Variants in OXCT1 observed in about 807,000 individuals in gnomAD.
The protein encoded by OXCT1 is succinyl-CoA:3-ketoacid coenzyme A transferase 1, mitochondrial.
Under a neutral mutation model 69.6 loss-of-function variants are expected in OXCT1, and 27 were observed. The observed-to-expected ratio is 0.39, with a 90% CI of 0.29 to 0.54. The LOEUF is 0.54. Among genes scored for constraint, OXCT1 ranks in the 20% least tolerant of loss-of-function variants. The pLI is 0.72. For synonymous variants in OXCT1, 202 were observed against 217.8 expected (o/e 0.93, Z 0.64); for missense variants, 437 against 650.2 (o/e 0.67, Z 3.57).
chr5:41,747,402 C>T (rs1217833532), intron 15 of OXCT1, among the ~76,000 whole-genome samples: 2 of 152,014 alleles, frequency 1.3e-5, no homozygotes, highest in African/African-American at 4.8e-5. Context: ...AGTTTTTCAG[C>T]AAGAAAAGCA....
intron 11 of OXCT1, among the ~76,000 whole-genome samples, chr5:41,796,626 T>A (rs185655701): frequency 7.7e-4 from 118 of 152,356 alleles, no homozygotes; most frequent in Admixed American, 2.0e-3. Flanking sequence ...CATCTTGATA[T>A]AAATATATAT....
intron 2 of OXCT1, 78 bp from the exon 3 acceptor site, chr5:41,861,482 TA>T (rs1749737179): frequency 1.1e-6 from 1 of 888,646 alleles, no homozygotes; most frequent in East Asian, 2.4e-5. Context: ...TTATTCTTTT[TA>T]AAAGGGAAAT....
intron 13 of OXCT1, among the ~76,000 whole-genome samples, chr5:41,780,784 G>A (rs1579722311): frequency 6.6e-6 from 1 of 152,128 alleles, no homozygotes; most frequent in African/African-American, 2.4e-5. Flanking sequence ...GAGACCTGGA[G>A]AGTAAACTAT....
intron 5 of OXCT1, 115 bp downstream of exon 5, chr5:41,849,915 A>G: frequency 2.8e-6 from 3 of 1,058,394 alleles, no homozygotes; most frequent in Non-Finnish European, 4.4e-6. Context: ...TATGAAAATG[A>G]ATGAGTGCTT....
At chr5:41,775,513 G>GTGTT (rs1200516008) in intron 13 of OXCT1, among the ~76,000 whole-genome samples, 9 of 152,184 alleles carry the variant, frequency 5.9e-5, no homozygotes, top group Admixed American at 5.9e-4. Flanking sequence ...GAGCCCTGAT[G>GTGTT]TGTTCAGCAA....
At chr5:41,860,696 A>C (rs1001163628) in intron 3 of OXCT1, among the ~76,000 whole-genome samples, 1 of 152,190 alleles carries the variant, frequency 6.6e-6, no homozygotes, top group African/African-American at 2.4e-5. Flanking sequence ...TTTTGTAAAA[A>C]TAAAAATATG....
chr5:41,866,352 G>C (rs1331406453), intron 1 of OXCT1, among the ~76,000 whole-genome samples: 2 of 152,108 alleles, frequency 1.3e-5, no homozygotes, highest in East Asian at 3.9e-4. Flanking sequence ...AAAGACATAG[G>C]CCTTAGCTTT....
chr5:41,749,668 C>T, intron 14 of OXCT1, 61 bp from the exon 15 acceptor site: 1 of 993,898 alleles, frequency 1.0e-6, no homozygotes, highest in Non-Finnish European at 1.6e-6. Flanking sequence ...TTAGAATTGG[C>T]ATAACTATAG....
chr5:41,762,324 C>T lies in OXCT1; in HGVS notation c.1249-124G>A. 1 of 800,992 alleles carries T rather than the reference C, an allele frequency of 1.2e-6. No homozygotes were observed. The highest frequency in any genetic ancestry group is 2.2e-6 in the Non-Finnish European group (1 of 447,540). 49.6% of individuals were successfully genotyped at this position (800,992 alleles called of 1,614,324 possible). On this transcript the variant is annotated intron_variant, in intron 13 of 16. Coordinates refer to ENST00000196371, the MANE Select transcript of OXCT1 (RefSeq NM_000436.4). The surrounding 1 kb of genome is among the most constrained non-coding windows in gnomAD (Gnocchi z 4.0). Reference sequence around the variant, plus strand: ...ACTCATTGTCCTTCATTGCTTAGTGCTTGAAGTTCTATAACCTAATATTCT... The same window carrying T: ...ACTCATTGTCCTTCATTGCTTAGTGTTTGAAGTTCTATAACCTAATATTCT...
Position 41,841,625 on chromosome 5 carries a change from G to C in OXCT1, c.671+1050C>G, listed in dbSNP as rs74910435. Among the ~76,000 whole-genome samples the C allele has an allele frequency of 6.0e-3, 913 of 152,268 alleles. 3 individuals carry two copies. Among genetic ancestry groups the C allele is most frequent in the Non-Finnish European group, 0.01 (685 of 68,016 alleles). ...TGCAGCCTTCAAATACCAGAGCCAG[G>C]CACTGCAGCGCAGAATAAACATGGG... On this transcript the variant is annotated intron_variant, in intron 6 of 16. Coordinates refer to ENST00000196371, the MANE Select transcript of OXCT1 (RefSeq NM_000436.4).
chr5:41,803,193 T>C (rs773355502), intron 9 of OXCT1, 30 bp from the exon 10 acceptor site: 9 of 1,419,500 alleles, frequency 6.3e-6, no homozygotes, highest in Admixed American at 1.7e-5. Flanking sequence ...AGGTCCAGCA[T>C]ATAAAAGGTA....
At chr5:41,852,069 G>A (rs777146476) in intron 4 of OXCT1, among the ~76,000 whole-genome samples, 6 of 152,196 alleles carry the variant, frequency 3.9e-5, no homozygotes, top group East Asian at 1.9e-4. Context: ...TGCAAGAACC[G>A]TGAGAAGTCG....
rs534635865 is a variant in OXCT1, at chr5:41,869,419, G to T, written c.78+862C>A. Among the ~76,000 whole-genome samples, 16 of 152,312 alleles carry T rather than the reference G, an allele frequency of 1.1e-4. No individual in the cohort carries two copies. In the East Asian group the frequency reaches 3.1e-3, roughly 29 times the overall value. On this transcript the variant is annotated intron_variant, in intron 1 of 16. Coordinates refer to ENST00000196371, the MANE Select transcript of OXCT1 (RefSeq NM_000436.4). ...TCTGGTCCTGTAATTCGCTCCTAGGGCTCCAGACAGGGGTGGGCTTACAAG... is the reference window on the plus strand; with the variant it reads ...TCTGGTCCTGTAATTCGCTCCTAGGTCTCCAGACAGGGGTGGGCTTACAAG...
intron 16 of OXCT1, among the ~76,000 whole-genome samples, chr5:41,733,761 C>A (rs1021574935): frequency 5.9e-5 from 9 of 152,068 alleles, no homozygotes; most frequent in Non-Finnish European, 1.3e-4. Context: ...ACTGACTTTG[C>A]CTGCTTTTTA....
chr5:41,842,081 A>C (rs766832509), intron 6 of OXCT1, among the ~76,000 whole-genome samples: 3 of 152,200 alleles, frequency 2.0e-5, no homozygotes, highest in African/African-American at 4.8e-5. Flanking sequence ...AACTATATAA[A>C]TCTATAAATC....
chr5:41,745,618 T>G (rs962728233), intron 15 of OXCT1, among the ~76,000 whole-genome samples: 1 of 152,090 alleles, frequency 6.6e-6, no homozygotes, highest in Non-Finnish European at 1.5e-5. Context: ...GGAGCTGGTT[T>G]TTTGAAAAGA....
chr5:41,859,907 T>TAC (rs3050897), intron 3 of OXCT1, among the ~76,000 whole-genome samples: 4,228 of 138,350 alleles, frequency 0.031, 101 homozygotes, highest in Non-Finnish European at 0.043. Context: ...TATATATATA[T>TAC]ACACACACAC....
intron 7 of OXCT1, among the ~76,000 whole-genome samples, chr5:41,839,526 C>A (rs886661975): frequency 6.6e-6 from 1 of 152,154 alleles, no homozygotes; most frequent in African/African-American, 2.4e-5. Flanking sequence ...AAGAAACCAC[C>A]ATGCCTCGGT....
At chr5:41,776,360 ACT>A (rs1330667530) in intron 13 of OXCT1, among the ~76,000 whole-genome samples, 23 of 152,292 alleles carry the variant, frequency 1.5e-4, no homozygotes, top group African/African-American at 5.3e-4. Flanking sequence ...GAATATGGAA[ACT>A]CTGTACTATC....
Sources: gnomAD v4.1 joint callset for allele counts (sites outside exome capture counted in the v4.1 genomes callset) on GRCh38, gnomAD v4.1.1 for gene constraint, Gnocchi (gnomAD v3.1) non-coding constraint, MANE v1.5 for transcripts, NCBI Gene and HGNC (gene_info 2026-07-23, HGNC 2026-07-21) for gene names.